MDFIC2: variants seen among roughly 807,000 people sequenced by gnomAD.
MDFIC2 encodes the protein MyoD family inhibitor domain containing 2.
chr3:70,295,351 A>T (rs996603631), intron 2 of MDFIC2, among the ~76,000 whole-genome samples: 9 of 152,190 alleles, frequency 5.9e-5, no homozygotes, highest in Admixed American at 6.5e-5. Context: ...TTTCAAATAT[A>T]GGTATGTGTG....
chr3:70,244,065 G>A (rs771714468), intron 2 of MDFIC2, among the ~76,000 whole-genome samples: 16 of 152,190 alleles, frequency 1.1e-4, no homozygotes, highest in Non-Finnish European at 1.9e-4. Flanking sequence ...ATTTTCCACC[G>A]TAACTACTTT....
intron 2 of MDFIC2, among the ~76,000 whole-genome samples, chr3:70,232,012 C>T (rs529366577): frequency 1.3e-5 from 2 of 152,146 alleles, no homozygotes; most frequent in African/African-American, 4.8e-5. Flanking sequence ...CCCTTCTTCC[C>T]CTTAGCCATT....
rs1375279518 is a variant in MDFIC2, at chr3:70,195,288, A to G, written c.*1638T>C. ...CTGTTTCTTCGAGCTTCTGAAAAGC[A>G]GAAAGACTTTTTCATGGAAGGTGTG... On this transcript the variant is annotated 3_prime_UTR_variant, in exon 4 of 4. Coordinates refer to ENST00000567252, the MANE Select transcript of MDFIC2 (RefSeq NM_001364677.1). 6.6e-6 allele frequency among the ~76,000 whole-genome samples: 1 copy of G among 152,190 alleles called. No individual in the cohort carries two copies. The highest frequency in any genetic ancestry group is 6.5e-5 in the Admixed American group (1 of 15,274).
intron 2 of MDFIC2, among the ~76,000 whole-genome samples, chr3:70,257,970 G>A (rs1701832222): frequency 1.3e-5 from 2 of 152,198 alleles, no homozygotes; most frequent in Non-Finnish European, 2.9e-5. Flanking sequence ...CGGAAATAAA[G>A]CTATGTAACT....
intron 2 of MDFIC2, among the ~76,000 whole-genome samples, chr3:70,210,338 A>C (rs1056336705): frequency 6.6e-6 from 1 of 151,940 alleles, no homozygotes; most frequent in Non-Finnish European, 1.5e-5. Context: ...TTATATTTTT[A>C]TTTTTTCTCA....
chr3:70,287,014 T>G (rs1702172680), intron 2 of MDFIC2, among the ~76,000 whole-genome samples: 1 of 149,202 alleles, frequency 6.7e-6, no homozygotes, highest in Non-Finnish European at 1.5e-5. Context: ...CAGGGACAAT[T>G]TGACTTCCTC....
At chr3:70,259,089 G>A (rs1375246813) in intron 2 of MDFIC2, among the ~76,000 whole-genome samples, 2 of 152,106 alleles carry the variant, frequency 1.3e-5, no homozygotes, top group African/African-American at 2.4e-5. Context: ...AAATTATACG[G>A]TACCTCCTGC....
chr3:70,222,103 C>T (rs988644588), intron 2 of MDFIC2, among the ~76,000 whole-genome samples: 1 of 152,100 alleles, frequency 6.6e-6, no homozygotes, highest in Non-Finnish European at 1.5e-5. Context: ...TAGGTTTCTC[C>T]CAGTGCTTTT....
At chr3:70,262,870 G>C (rs1229031590) in intron 2 of MDFIC2, among the ~76,000 whole-genome samples, 4 of 151,972 alleles carry the variant, frequency 2.6e-5, no homozygotes, top group Admixed American at 2.6e-4. Context: ...ATAAGGTTGG[G>C]TTTTATTTCT....
intron 2 of MDFIC2, among the ~76,000 whole-genome samples, chr3:70,237,919 A>G (rs1391511225): frequency 7.0e-6 from 1 of 143,202 alleles, no homozygotes; most frequent in Non-Finnish European, 1.5e-5. Context: ...CTCCAAGAGG[A>G]TTTAGAATTG....
At chr3:70,254,730 C>T (rs77089641) in intron 2 of MDFIC2, among the ~76,000 whole-genome samples, 2,614 of 152,222 alleles carry the variant, frequency 0.017, 75 homozygotes, top group African/African-American at 0.059. Flanking sequence ...TCTGTCATGA[C>T]GCACTCTACT....
intron 2 of MDFIC2, among the ~76,000 whole-genome samples, chr3:70,214,607 C>CT (rs11391954): frequency 0.94 from 132,576 of 140,310 alleles, 62,798 homozygotes; most frequent in Non-Finnish European, 0.99. Flanking sequence ...CTGAAGTGGG[C>CT]TTTTTTTTTT....
chr3:70,295,923 A>T (rs1054820182), intron 2 of MDFIC2, among the ~76,000 whole-genome samples: 2 of 152,172 alleles, frequency 1.3e-5, no homozygotes, highest in African/African-American at 4.8e-5. Context: ...ATATTCCTTC[A>T]TGAAAACAAT....
chr3:70,212,533 C>T (rs778984120), intron 2 of MDFIC2, among the ~76,000 whole-genome samples: 11 of 152,046 alleles, frequency 7.2e-5, no homozygotes, highest in East Asian at 3.9e-4. Flanking sequence ...CTCTCAAGTC[C>T]GTGTCTGCTT....
intron 2 of MDFIC2, among the ~76,000 whole-genome samples, chr3:70,295,570 G>A (rs561457026): frequency 4.6e-5 from 7 of 152,190 alleles, no homozygotes; most frequent in African/African-American, 2.4e-5. Context: ...AGGCTTGGTG[G>A]TGCGCACCTG....
At chr3:70,287,947 C>CT (rs1240021811) in intron 2 of MDFIC2, among the ~76,000 whole-genome samples, 1 of 152,134 alleles carries the variant, frequency 6.6e-6, no homozygotes, top group Non-Finnish European at 1.5e-5. Context: ...ATTCTTCTCT[C>CT]TTTTTTTCTT....
At chr3:70,198,020 A>C (rs1321879523) in intron 3 of MDFIC2, among the ~76,000 whole-genome samples, 2 of 152,204 alleles carry the variant, frequency 1.3e-5, no homozygotes, top group Non-Finnish European at 2.9e-5. Context: ...AAAGGGAATT[A>C]GTTAGAAGAT....
intron 2 of MDFIC2, chr3:70,249,239 A>C (rs923899000): frequency 1.3e-5 from 2 of 152,134 alleles, no homozygotes; most frequent in African/African-American, 4.8e-5. Flanking sequence ...ATATTTACTA[A>C]CCGGTTTGAA....
intron 2 of MDFIC2, among the ~76,000 whole-genome samples, chr3:70,311,576 A>G (rs749107440): frequency 1.3e-5 from 2 of 152,184 alleles, no homozygotes; most frequent in Non-Finnish European, 2.9e-5. Context: ...TATAAAGGAG[A>G]AAAATCTACA....
Sources: gnomAD v4.1 joint callset for allele counts (sites outside exome capture counted in the v4.1 genomes callset) on GRCh38, gnomAD v4.1.1 for gene constraint, MANE v1.5 for transcripts, NCBI Gene and HGNC (gene_info 2026-07-23, HGNC 2026-07-21) for gene names.